Variants in DNAH5 observed in about 807,000 individuals in gnomAD.
DNAH5 encodes the protein dynein axonemal heavy chain 5, also known as axonemal beta dynein heavy chain 5.
In DNAH5, 372 loss-of-function variants were observed where a neutral mutation model predicts 518.2. The ratio of observed to expected loss-of-function variants is 0.72; its 90% CI spans 0.66 to 0.78. The LOEUF is 0.78. DNAH5 is among the 30% of genes least tolerant of loss of function. The pLI is 0.00. For missense variants in DNAH5, 5,523 were observed against 5,687.0 expected, an observed-to-expected ratio of 0.97 and a Z score of 0.93; for synonymous variants, 2,039 against 2,025.9, an observed-to-expected ratio of 1.01 and a Z score of -0.17.
At chr5:13,959,510 C>T (rs150929815) in intron 1 of DNAH5, among the ~76,000 whole-genome samples, 17 of 152,292 alleles carry the variant, frequency 1.1e-4, no homozygotes, top group South Asian at 6.2e-4. Context: ...AGTGCAGGTC[C>T]CTTTTCGGAC....
chr5:13,701,179 G>A (rs927495160), intron 77 of DNAH5, 105 bp downstream of exon 77: 1 of 1,482,280 alleles, frequency 6.7e-7, no homozygotes, highest in Non-Finnish European at 9.4e-7. Flanking sequence ...GTACCAAAAA[G>A]AGACAGTCAT....
chr5:13,944,500 G>T lies in DNAH5; in HGVS notation c.-62C>A. The T allele has an allele frequency of 1.4e-6, 2 of 1,460,080 alleles. No individual in the cohort carries two copies. Among genetic ancestry groups the T allele is most frequent in the Non-Finnish European group, 1.9e-6 (2 of 1,046,972 alleles). The allele number at this position is 1,460,080 out of a possible 1,614,324, so 90.4% of individuals were successfully genotyped here. A position where few individuals can be genotyped will look rare whatever the true frequency, so the allele number is the denominator to read the frequency against. ...CGGAATGGTCTTCTAACTCCTGGCA[G>T]ACCTGCTCAACATCCAACAGGCTTC... On this transcript the variant is annotated 5_prime_UTR_variant, in exon 1 of 79. The change creates a new upstream start codon in the 5' untranslated region. Transcript: ENST00000265104.
intron 12 of DNAH5, among the ~76,000 whole-genome samples, chr5:13,910,765 G>C (rs16902934): frequency 0.037 from 5,691 of 152,232 alleles, 358 homozygotes; most frequent in African/African-American, 0.13. Flanking sequence ...CACCTCACCA[G>C]AACTGGCTAG....
chr5:13,841,849 TC>T lies in DNAH5; in HGVS notation c.5326del (p.Asp1776IlefsTer28). 6.3e-7 allele frequency: 1 copy of T among 1,599,814 alleles called. No homozygotes were observed. The highest frequency in any genetic ancestry group is 8.5e-7 in the Non-Finnish European group (1 of 1,176,140). ...SSQEGETIEL[D>X]KPVMAEGNVE... is the part of the protein sequence containing the mutation. ...ATTGCCCTCTGCCATGACAGGTTTA[TC>T]CAATTCAATCGTCTCACCCTCTTGA... On this transcript the variant is annotated frameshift_variant, in exon 33 of 79. Coordinates refer to ENST00000265104, the MANE Select transcript of DNAH5 (RefSeq NM_001369.3). LOFTEE classifies it high-confidence loss of function.
At chr5:13,745,822 T>C (rs1029453717) in intron 65 of DNAH5, among the ~76,000 whole-genome samples, 1 of 152,060 alleles carries the variant, frequency 6.6e-6, no homozygotes, top group Admixed American at 6.6e-5. Context: ...CGTCAACAGC[T>C]CTCCTTAAAT....
At chr5:13,782,188 ACTGGAAGGGGTCACTT>A (rs1755262621) in intron 52 of DNAH5, among the ~76,000 whole-genome samples, 1 of 152,122 alleles carries the variant, frequency 6.6e-6, no homozygotes, top group African/African-American at 2.4e-5. Context: ...CTGGGCAGGG[ACTGGAAGGGGTCACTT>A]CTCCACAGCC....
intron 16 of DNAH5, among the ~76,000 whole-genome samples, chr5:13,894,067 GGAC>G (rs1481875820): frequency 5.0e-4 from 19 of 37,874 alleles, no homozygotes; most frequent in Admixed American, 4.1e-3. Context: ...AGACCTACTG[GGAC>G]ACTGGCATGT....
chr5:13,990,230 C>T (rs1561052956), intron 1 of DNAH5, among the ~76,000 whole-genome samples: 1 of 152,196 alleles, frequency 6.6e-6, no homozygotes, highest in South Asian at 2.1e-4. Flanking sequence ...AAGAGAACAA[C>T]ACACAGTTGT....
At chr5:13,928,805 TA>T (rs1778131277) in intron 2 of DNAH5, among the ~76,000 whole-genome samples, 1 of 152,126 alleles carries the variant, frequency 6.6e-6, no homozygotes, top group Non-Finnish European at 1.5e-5. Context: ...ACACACCCAT[TA>T]GGCATTAGGA....
At chr5:13,849,244 G>GT (rs1491260447) in intron 31 of DNAH5, among the ~76,000 whole-genome samples, 1 of 152,208 alleles carries the variant, frequency 6.6e-6, no homozygotes, top group African/African-American at 2.4e-5. Flanking sequence ...TCTTGTCAGG[G>GT]TTTACATCTC....
At chr5:13,978,710 C>A (rs1782456649) in intron 1 of DNAH5, among the ~76,000 whole-genome samples, 2 of 152,140 alleles carry the variant, frequency 1.3e-5, no homozygotes, top group African/African-American at 4.8e-5. Flanking sequence ...AGCCTAGGGG[C>A]AATAGGCTAT....
At chr5:13,951,801 G>C (rs578110164) in intron 1 of DNAH5, among the ~76,000 whole-genome samples, 1 of 152,252 alleles carries the variant, frequency 6.6e-6, no homozygotes, top group South Asian at 2.1e-4. Flanking sequence ...GGCTATCTTT[G>C]CTGTTATCAC....
chr5:13,989,066 G>C (rs1470718387), intron 1 of DNAH5, among the ~76,000 whole-genome samples: 1 of 152,076 alleles, frequency 6.6e-6, no homozygotes, highest in South Asian at 2.1e-4. Context: ...AATGCAGCCC[G>C]GGGAGAGATG....
chr5:13,856,657 G>T (rs376905830), intron 30 of DNAH5, among the ~76,000 whole-genome samples: 3 of 152,204 alleles, frequency 2.0e-5, no homozygotes, highest in South Asian at 2.1e-4. Context: ...ACATTAAAAA[G>T]GTTATCCACC....
At chr5:13,876,906 A>C (rs1770976489) in intron 21 of DNAH5, 89 bp from the exon 22 acceptor site, 1 of 1,340,268 alleles carries the variant, frequency 7.5e-7, no homozygotes. Context: ...ATAGTAAAGC[A>C]AGGACTTCTG....
At chr5:13,926,116 CAGGGACCTAGG>C (rs1474425959) in intron 3 of DNAH5, among the ~76,000 whole-genome samples, 1 of 152,180 alleles carries the variant, frequency 6.6e-6, no homozygotes, top group Non-Finnish European at 1.5e-5. Context: ...CCATGGAGGG[CAGGGACCTAGG>C]AACCCAGGTG....
intron 31 of DNAH5, among the ~76,000 whole-genome samples, chr5:13,849,284 C>G (rs1423727102): frequency 6.6e-6 from 1 of 152,222 alleles, no homozygotes; most frequent in African/African-American, 2.4e-5. Context: ...ATACCTTCCA[C>G]CAACGTGGAT....
In DNAH5 at chr5:13,920,599, C is replaced by A; in HGVS notation, c.679G>T (p.Asp227Tyr). 6.2e-7 allele frequency: 1 copy of A among 1,614,098 alleles called. No individual in the cohort carries two copies. The change falls in exon 6 of 79, where the codon GAC (aspartate) becomes TAC (tyrosine). Residue 227 changes from aspartate (D) to tyrosine (Y), a missense_variant. This residue lies in a region of DNAH5 where 5,121 missense variants were observed against 5,223.3 expected (regional missense o/e 0.98). Transcript: ENST00000265104. ...LKEKVNLRKCDILELKTLKEP... is the reference protein window; with the variant it reads ...LKEKVNLRKCYILELKTLKEP... The stretch of plus-strand genomic sequence containing the variant: ...TTTAGGGTTTTCAGTTCAAGTATGT[C>A]ACACTTTCGAAGGTTCACCTAATTA...
At chr5:13,916,096 CT>C (rs890512111) in intron 9 of DNAH5, among the ~76,000 whole-genome samples, 35 of 151,562 alleles carry the variant, frequency 2.3e-4, no homozygotes, top group Non-Finnish European at 4.6e-4. Flanking sequence ...CAAGAGCAAT[CT>C]TTTTTCATTT....
Sources: gnomAD v4.1 joint callset for allele counts (sites outside exome capture counted in the v4.1 genomes callset) on GRCh38, gnomAD v4.1.1 for gene constraint, gnomAD v4.1.1 regional missense constraint, MANE v1.5 for transcripts, NCBI Gene and HGNC (gene_info 2026-07-23, HGNC 2026-07-21) for gene names.